Variants in SOX5 observed in about 807,000 individuals in gnomAD.
The protein encoded by SOX5 is SRY-box transcription factor 5.
SOX5 carries 9 observed loss-of-function variants against 92.0 expected under a neutral mutation model. The observed-to-expected ratio is 0.10, with a 90% CI of 0.06 to 0.17. The LOEUF is 0.17. Ranked by LOEUF, SOX5 falls within the 10% of genes least tolerant of loss-of-function variation. The pLI is 1.00. For missense variants in SOX5, 642 were observed against 944.5 expected (o/e 0.68, Z 4.20); for synonymous variants, 344 against 336.3 (o/e 1.02, Z -0.25).
intron 4 of SOX5, among the ~76,000 whole-genome samples, chr12:24,090,357 A>T (rs1004288809): frequency 1.3e-5 from 2 of 152,154 alleles, no homozygotes; most frequent in Non-Finnish European, 2.9e-5. Flanking sequence ...TTACATTTCT[A>T]TGTGACCACT....
At chr12:23,898,139 A>G (rs1271865946) in intron 1 of SOX5, among the ~76,000 whole-genome samples, 1 of 152,226 alleles carries the variant, frequency 6.6e-6, no homozygotes. Flanking sequence ...ATTCTCATGT[A>G]AAGAGTTTGT....
chr12:23,764,046 C>G (rs1472496392), intron 3 of SOX5, among the ~76,000 whole-genome samples: 1 of 151,864 alleles, frequency 6.6e-6, no homozygotes, highest in Admixed American at 6.6e-5. Flanking sequence ...CAAATTCTAG[C>G]TATTAGTTAC....
At chr12:23,915,261 A>C (rs1361557976) in intron 1 of SOX5, among the ~76,000 whole-genome samples, 2 of 152,170 alleles carry the variant, frequency 1.3e-5, no homozygotes, top group Non-Finnish European at 2.9e-5. Flanking sequence ...GTTCTTTGAA[A>C]TTGAATTGAA....
At chr12:24,288,808 C>A (rs1431261530) in intron 2 of SOX5, among the ~76,000 whole-genome samples, 1 of 151,498 alleles carries the variant, frequency 6.6e-6, no homozygotes, top group Admixed American at 6.6e-5. Context: ...ACCACCTGCA[C>A]ACCAATCTTT....
intron 3 of SOX5, among the ~76,000 whole-genome samples, chr12:23,817,322 T>A (rs1341387632): frequency 6.6e-6 from 1 of 152,230 alleles, no homozygotes; most frequent in East Asian, 1.9e-4. Context: ...GAGTTCAAGA[T>A]AATATCCTCT....
chr12:24,110,900 CAAAAAAAAAA>C lies in SOX5; in HGVS notation c.-2+102433_-2+102442del, dbSNP rs67100585. Among the ~76,000 whole-genome samples the C allele has an allele frequency of 4.6e-3, 128 of 27,590 alleles. 1 individual carries two copies. Among genetic ancestry groups the C allele is most frequent in the East Asian group, 0.019 (17 of 902 alleles). 18.1% of individuals were successfully genotyped at this position (27,590 alleles called of 152,430 possible). A position where few individuals can be genotyped will look rare whatever the true frequency, so the allele number is the denominator to read the frequency against. ...TGGGCGACAGCGCGAGACTCCACTT[CAAAAAAAAAA>C]AAAAAAAAAAAAAAAAAAGAAGGTA... On this transcript the variant is annotated intron_variant, in intron 4 of 4. Transcript: ENST00000446891.
chr12:23,723,580 A>ATG (rs1555292612), intron 6 of SOX5, among the ~76,000 whole-genome samples: 2 of 149,394 alleles, frequency 1.3e-5, no homozygotes, highest in African/African-American at 4.9e-5. Flanking sequence ...ATATATATAT[A>ATG]TACACACACA....
rs916068925 is a variant in SOX5, at chr12:24,007,811, A to G, written c.-1-111787T>C. The stretch of plus-strand genomic sequence containing the variant: ...TACGCACGCACACACACACACACAC[A>G]CACACACACACATATATATATATAT... On this transcript the variant is annotated intron_variant, in intron 4 of 4. Coordinates refer to the SOX5 transcript ENST00000446891. Among the ~76,000 whole-genome samples, 6 of 102,340 alleles carry G rather than the reference A, an allele frequency of 5.9e-5. No individual in the cohort carries two copies. In the South Asian group the frequency reaches 1.3e-3, roughly 22 times the overall value. 67.1% of individuals were successfully genotyped at this position (102,340 alleles called of 152,430 possible). A position where few individuals can be genotyped will look rare whatever the true frequency, so the allele number is the denominator to read the frequency against.
chr12:23,935,177 T>C (rs1297282234), intron 1 of SOX5, among the ~76,000 whole-genome samples: 2 of 151,298 alleles, frequency 1.3e-5, no homozygotes, highest in African/African-American at 4.8e-5. Context: ...GCTGCAATCA[T>C]ATTATCAGTC....
At chr12:23,889,946 TA>T (rs1222132993) in intron 2 of SOX5, among the ~76,000 whole-genome samples, 4 of 152,192 alleles carry the variant, frequency 2.6e-5, no homozygotes, top group African/African-American at 9.7e-5. Context: ...CTTTATATGT[TA>T]AAAAATATAC....
chr12:23,891,323 C>T (rs566586410), intron 2 of SOX5, among the ~76,000 whole-genome samples: 3 of 152,204 alleles, frequency 2.0e-5, no homozygotes, highest in Non-Finnish European at 4.4e-5. Flanking sequence ...GTAACATTTG[C>T]ATAACCTGAA....
intron 1 of SOX5, among the ~76,000 whole-genome samples, chr12:23,915,616 A>T (rs1478943241): frequency 6.6e-6 from 1 of 152,094 alleles, no homozygotes; most frequent in Non-Finnish European, 1.5e-5. Flanking sequence ...TAGTCTTCCT[A>T]CTACCAACAT....
chr12:24,351,065 A>AAAAAGAAAAG (rs905117150), intron 2 of SOX5, among the ~76,000 whole-genome samples: 1 of 152,144 alleles, frequency 6.6e-6, no homozygotes. Flanking sequence ...CTCTATCTCA[A>AAAAAGAAAAG]AAAAGAAAAG....
intron 4 of SOX5, among the ~76,000 whole-genome samples, chr12:24,199,557 T>G (rs928624355): frequency 3.3e-5 from 5 of 152,186 alleles, no homozygotes; most frequent in African/African-American, 1.2e-4. Context: ...CTGAATGGCT[T>G]GGAATAGAGC....
rs2097372067 is a variant in SOX5, at chr12:23,913,311, T to C, written c.39-17287A>G. On this transcript the variant is annotated intron_variant, in intron 1 of 14. Transcript: ENST00000451604. Reference sequence around the variant, plus strand: ...GAATACAAGCTTTTATTGAACATTGTTGTTAGATCTACATTAGGTACATGT... The same window carrying C: ...GAATACAAGCTTTTATTGAACATTGCTGTTAGATCTACATTAGGTACATGT... Among the ~76,000 whole-genome samples the C allele has an allele frequency of 3.9e-5, 6 of 152,130 alleles. No individual in the cohort carries two copies. The South Asian group carries it at 1.2e-3, about 32-fold the overall frequency.
intron 1 of SOX5, among the ~76,000 whole-genome samples, chr12:24,400,337 T>C (rs1188955172): frequency 3.3e-5 from 5 of 152,246 alleles, no homozygotes; most frequent in Non-Finnish European, 7.3e-5. Context: ...CCCAAGTAAC[T>C]GAGTGGCCTT....
chr12:23,634,432 A>G (rs1002815), intron 8 of SOX5, among the ~76,000 whole-genome samples: 8,842 of 152,164 alleles, frequency 0.058, 546 homozygotes, highest in African/African-American at 0.16. Context: ...TATTAGAGTA[A>G]ATACATGAAT....
At chr12:24,488,159 T>C (rs1164579453) in intron 1 of SOX5, among the ~76,000 whole-genome samples, 1 of 150,464 alleles carries the variant, frequency 6.6e-6, no homozygotes, top group Non-Finnish European at 1.5e-5. Context: ...CAAGTGTGAC[T>C]TAAAATGTTT....
At chr12:24,449,648 T>A (rs552396350) in intron 1 of SOX5, among the ~76,000 whole-genome samples, 1 of 152,332 alleles carries the variant, frequency 6.6e-6, no homozygotes, top group South Asian at 2.1e-4. Flanking sequence ...TAGTAAATAT[T>A]TTTTCAAGAA....
Sources: allele counts gnomAD v4.1 joint callset (sites outside exome capture counted in the v4.1 genomes callset), GRCh38; gene constraint gnomAD v4.1.1; transcripts MANE v1.5; gene names NCBI Gene and HGNC (gene_info 2026-07-23, HGNC 2026-07-21).